The following WWOX variants were observed in gnomAD, a reference collection of about 807,000 sequenced individuals.
The protein encoded by WWOX is WW domain-containing oxidoreductase.
A neutral mutation model predicts 46.2 loss-of-function variants in WWOX; 69 were observed. That is an observed-to-expected ratio of 1.49 (90% confidence interval 1.23 to 1.82). The LOEUF is 1.82. Ranked by LOEUF, WWOX falls within the 40% of genes most tolerant of loss-of-function variation. WWOX has a pLI of 0.00. For missense variants in WWOX, 919 were observed against 542.6 expected (o/e 1.69, Z -6.89); for synonymous variants, 359 against 202.6 (o/e 1.77, Z -6.56).
chr16:78,266,565 G>C (rs560427775), intron 5 of WWOX, among the ~76,000 whole-genome samples: 1 of 152,156 alleles, frequency 6.6e-6, no homozygotes, highest in Non-Finnish European at 1.5e-5. Context: ...TCTGGAACTA[G>C]CCTGCTTGAG....
At chr16:78,973,550 T>C (rs2046513442) in intron 8 of WWOX, among the ~76,000 whole-genome samples, 1 of 152,166 alleles carries the variant, frequency 6.6e-6, no homozygotes, top group South Asian at 2.1e-4. Flanking sequence ...TTCTTTTTGC[T>C]TTCTTTTTTT....
intron 6 of WWOX, among the ~76,000 whole-genome samples, chr16:78,399,480 T>C (rs1323845116): frequency 6.6e-6 from 1 of 152,170 alleles, no homozygotes; most frequent in African/African-American, 2.4e-5. Flanking sequence ...GGAGTGGACA[T>C]GGATCATGGG....
chr16:78,135,204 C>T (rs565686474), intron 4 of WWOX, among the ~76,000 whole-genome samples: 9 of 152,320 alleles, frequency 5.9e-5, no homozygotes, highest in Admixed American at 2.6e-4. Context: ...ACTCAAGAGT[C>T]GTTATTTACC....
intron 8 of WWOX, among the ~76,000 whole-genome samples, chr16:78,520,517 AAC>A (rs2043325293): frequency 6.6e-6 from 1 of 152,158 alleles, no homozygotes; most frequent in South Asian, 2.1e-4. Context: ...CTGTGGAAGA[AAC>A]ACAGCTTGAA....
chr16:78,810,494 C>T (rs536352198), intron 8 of WWOX, among the ~76,000 whole-genome samples: 107 of 152,326 alleles, frequency 7.0e-4, no homozygotes, highest in African/African-American at 2.5e-3. Flanking sequence ...CCCCCTGTAT[C>T]ACTTGAGATT....
At chr16:78,725,212 T>G (rs186753559) in intron 8 of WWOX, among the ~76,000 whole-genome samples, 1 of 152,296 alleles carries the variant, frequency 6.6e-6, no homozygotes, top group African/African-American at 2.4e-5. Flanking sequence ...ATGATGTGCC[T>G]TTCGCTTTGC....
intron 8 of WWOX, among the ~76,000 whole-genome samples, chr16:78,727,118 G>T (rs779190655): frequency 6.6e-6 from 1 of 152,222 alleles, no homozygotes; most frequent in African/African-American, 2.4e-5. Flanking sequence ...ATGAGGCCCA[G>T]TGGGGCACAG....
chr16:79,048,077 A>G (rs2048099074), intron 8 of WWOX, among the ~76,000 whole-genome samples: 1 of 152,148 alleles, frequency 6.6e-6, no homozygotes, highest in South Asian at 2.1e-4. Flanking sequence ...CTTCTAGGAT[A>G]TCAGGGGAAG....
At chr16:78,901,819 A>C (rs914841247) in intron 8 of WWOX, among the ~76,000 whole-genome samples, 8 of 152,228 alleles carry the variant, frequency 5.3e-5, no homozygotes, top group African/African-American at 1.9e-4. Context: ...ACTGGTGTAC[A>C]ATCCAAGTCT....
intron 4 of WWOX, among the ~76,000 whole-genome samples, chr16:78,144,158 G>C (rs2034084108): frequency 6.6e-6 from 1 of 151,652 alleles, no homozygotes; most frequent in African/African-American, 2.4e-5. Context: ...TAAAACCCTG[G>C]GTTGTATGCA....
chr16:79,080,414 T>G (rs1302553519), intron 8 of WWOX, among the ~76,000 whole-genome samples: 1 of 152,142 alleles, frequency 6.6e-6, no homozygotes, highest in East Asian at 1.9e-4. Flanking sequence ...AGAACCAAAT[T>G]GCCTAACACT....
rs138484179 is a variant in WWOX, at chr16:78,423,390, G to T, written c.606-1480G>T. Reference sequence around the variant, plus strand: ...TTCTAAATGTAATAATTCCTCAATGGTATATTTAGTTTACTTTATATTTGC... The same window carrying T: ...TTCTAAATGTAATAATTCCTCAATGTTATATTTAGTTTACTTTATATTTGC... On this transcript the variant is annotated intron_variant, in intron 6 of 8. Transcript: ENST00000566780. Among the ~76,000 whole-genome samples the T allele has an allele frequency of 2.0e-4, 30 of 152,152 alleles. No homozygotes were observed. In the East Asian group the frequency reaches 5.6e-3, roughly 28 times the overall value.
chr16:78,730,782 A>G (rs1178378478), intron 8 of WWOX, among the ~76,000 whole-genome samples: 1 of 151,704 alleles, frequency 6.6e-6, no homozygotes, highest in African/African-American at 2.4e-5. Flanking sequence ...ATCTTTTAGG[A>G]AAAAAAAGTG....
chr16:78,989,108 A>G (rs1446417969), intron 8 of WWOX, among the ~76,000 whole-genome samples: 1 of 152,070 alleles, frequency 6.6e-6, no homozygotes, highest in Admixed American at 6.5e-5. Context: ...TGGAGTCCTT[A>G]ATTACTAAAA....
chr16:79,043,182 A>T (rs2048004159), intron 8 of WWOX, among the ~76,000 whole-genome samples: 1 of 151,968 alleles, frequency 6.6e-6, no homozygotes, highest in Non-Finnish European at 1.5e-5. Flanking sequence ...TTGAATGGCC[A>T]CATGAGTGTT....
intron 5 of WWOX, among the ~76,000 whole-genome samples, chr16:78,218,186 C>T (rs1052452699): frequency 6.6e-6 from 1 of 152,140 alleles, no homozygotes; most frequent in African/African-American, 2.4e-5. Flanking sequence ...TCCCGAGTAG[C>T]TTGTACTGCA....
intron 5 of WWOX, among the ~76,000 whole-genome samples, chr16:78,375,115 C>T (rs2081788875): frequency 6.6e-6 from 1 of 152,230 alleles, no homozygotes; most frequent in African/African-American, 2.4e-5. Context: ...ATCTATTAAA[C>T]ATCCTCCTTT....
intron 8 of WWOX, among the ~76,000 whole-genome samples, chr16:78,450,418 C>T (rs1349563720): frequency 6.6e-6 from 1 of 151,998 alleles, no homozygotes; most frequent in East Asian, 1.9e-4. Context: ...TCTGACTGCT[C>T]AAAACAGGGA....
At chr16:78,518,368 A>T (rs2043282345) in intron 8 of WWOX, among the ~76,000 whole-genome samples, 1 of 151,988 alleles carries the variant, frequency 6.6e-6, no homozygotes, top group Admixed American at 6.6e-5. Context: ...AGTAGCTGGG[A>T]CTATAGGCAC....
Sources: gnomAD v4.1 joint callset for allele counts (sites outside exome capture counted in the v4.1 genomes callset) on GRCh38, gnomAD v4.1.1 for gene constraint, MANE v1.5 for transcripts, NCBI Gene and HGNC (gene_info 2026-07-23, HGNC 2026-07-21) for gene names.